KCMF1: variants seen among roughly 807,000 people sequenced by gnomAD.
KCMF1 encodes the protein E3 ubiquitin-protein ligase KCMF1.
Under a neutral mutation model 41.1 loss-of-function variants are expected in KCMF1, and 3 were observed. That is an observed-to-expected ratio of 0.07 (90% CI 0.03 to 0.19). The LOEUF is 0.19. Among genes scored for constraint, KCMF1 ranks in the 10% least tolerant of loss-of-function variants. The pLI is 1.00. For missense variants in KCMF1, 286 were observed against 488.9 expected (o/e 0.58, Z 3.91); for synonymous variants, 142 against 164.5 (o/e 0.86, Z 1.04).
intron 3 of KCMF1, among the ~76,000 whole-genome samples, chr2:85,043,114 G>A (rs1337063192): frequency 2.0e-5 from 3 of 152,210 alleles, no homozygotes; most frequent in African/African-American, 7.2e-5. Flanking sequence ...TCTGTTGAAT[G>A]TTTGCACAGT....
chr2:85,007,101 CAAAAAAA>C (rs764401140), intron 1 of KCMF1, among the ~76,000 whole-genome samples: 15 of 51,904 alleles, frequency 2.9e-4, no homozygotes, highest in Non-Finnish European at 5.3e-4. Flanking sequence ...AACTCAGTCT[CAAAAAAA>C]AAAAAAAAAA....
intron 3 of KCMF1, among the ~76,000 whole-genome samples, chr2:85,037,601 A>T (rs1293971638): frequency 1.3e-5 from 2 of 152,202 alleles, no homozygotes; most frequent in Admixed American, 6.5e-5. Flanking sequence ...GCATTTTTTA[A>T]TTAGGGAATT....
chr2:85,043,864 A>AT (rs1429592860), intron 4 of KCMF1, among the ~76,000 whole-genome samples, 199 bp downstream of exon 4: 10 of 151,906 alleles, frequency 6.6e-5, no homozygotes, highest in Non-Finnish European at 1.3e-4. Context: ...TGTCATTTTG[A>AT]TTTTTTTTAA....
intron 1 of KCMF1, among the ~76,000 whole-genome samples, chr2:85,026,492 A>ATTTTTTTT (rs1553381469): frequency 1.4e-5 from 2 of 143,140 alleles, no homozygotes; most frequent in African/African-American, 5.3e-5. Context: ...TATTATTATT[A>ATTTTTTTT]TTATTTTTAT....
intron 1 of KCMF1, among the ~76,000 whole-genome samples, chr2:84,984,128 C>T (rs1340804333): frequency 4.6e-5 from 7 of 152,152 alleles, no homozygotes; most frequent in Non-Finnish European, 8.8e-5. Context: ...TGCTTGTAAT[C>T]CCAGCACTTT....
chr2:84,997,400 A>G (rs920569668), intron 1 of KCMF1, among the ~76,000 whole-genome samples: 2 of 152,086 alleles, frequency 1.3e-5, no homozygotes, highest in South Asian at 2.1e-4. Context: ...GGATTTCATC[A>G]TATCTAAAAA....
chr2:84,992,862 C>T (rs935964059), intron 1 of KCMF1, among the ~76,000 whole-genome samples: 7 of 152,060 alleles, frequency 4.6e-5, no homozygotes, highest in Non-Finnish European at 7.4e-5. Context: ...CCTTGTGATC[C>T]GCCCGCCTCG....
intron 1 of KCMF1, among the ~76,000 whole-genome samples, chr2:85,012,573 G>GATC (rs1247841507): frequency 6.6e-6 from 1 of 152,096 alleles, no homozygotes; most frequent in Non-Finnish European, 1.5e-5. Context: ...GTCTCCCAAA[G>GATC]ATCAGTTCAT....
chr2:85,035,263 ACC>A, intron 3 of KCMF1, 108 bp downstream of exon 3: 1 of 952,866 alleles, frequency 1.0e-6, no homozygotes. Flanking sequence ...GTGTAATGAT[ACC>A]GTTTGCATAG....
intron 1 of KCMF1, among the ~76,000 whole-genome samples, chr2:84,976,627 T>C (rs1673551577): frequency 6.7e-6 from 1 of 149,184 alleles, no homozygotes; most frequent in Non-Finnish European, 1.5e-5. Flanking sequence ...CCCTATTTCT[T>C]TAAAAAAAAA....
intron 1 of KCMF1, among the ~76,000 whole-genome samples, chr2:84,997,971 C>T (rs1312526618): frequency 6.6e-6 from 1 of 151,336 alleles, no homozygotes; most frequent in Non-Finnish European, 1.5e-5. Flanking sequence ...CAGGGTTTCT[C>T]CATGTTGGCC....
At chr2:84,989,359 G>A (rs1164372966) in intron 1 of KCMF1, among the ~76,000 whole-genome samples, 2 of 152,194 alleles carry the variant, frequency 1.3e-5, no homozygotes, top group African/African-American at 4.8e-5. Context: ...CCAGGCTTGT[G>A]GTGTAGGGGG....
Position 85,055,049 on chromosome 2 carries a change from A to C in KCMF1, c.*1640A>C, listed in dbSNP as rs1470535760. ...CAAATACAATAGCTTTGTTTTCTTT[A>C]GTTCTGTAATGGATAATGTTTAAAG... On this transcript the variant is annotated 3_prime_UTR_variant, in exon 7 of 7. Transcript: ENST00000409785. 1 of 152,204 alleles carries C rather than the reference A, an allele frequency of 6.6e-6. No homozygotes were observed. The highest frequency in any genetic ancestry group is 2.4e-5 in the African/African-American group (1 of 41,460). 9.4% of individuals were successfully genotyped at this position (152,204 alleles called of 1,614,324 possible).
At chr2:84,985,185 G>A (rs1673871221) in intron 1 of KCMF1, among the ~76,000 whole-genome samples, 1 of 152,170 alleles carries the variant, frequency 6.6e-6, no homozygotes, top group Non-Finnish European at 1.5e-5. Flanking sequence ...GATTGGGGTG[G>A]AAAGGGGTAG....
chr2:85,053,103 C>T (rs1287365121), intron 6 of KCMF1, 45 bp from the exon 7 acceptor site: 1 of 1,540,094 alleles, frequency 6.5e-7, no homozygotes, highest in Non-Finnish European at 8.8e-7. Flanking sequence ...TGCCATTGTT[C>T]ATTGACTTTT....
intron 1 of KCMF1, among the ~76,000 whole-genome samples, chr2:85,018,180 G>A (rs750385405): frequency 6.6e-6 from 1 of 151,772 alleles, no homozygotes; most frequent in African/African-American, 2.4e-5. Flanking sequence ...ATATAACACC[G>A]TAACCTTATG....
chr2:85,015,695 A>G (rs1229602037), intron 1 of KCMF1, among the ~76,000 whole-genome samples: 4 of 152,178 alleles, frequency 2.6e-5, no homozygotes, highest in African/African-American at 7.2e-5. Context: ...CCATTTTTCT[A>G]TTCACTTTGT....
chr2:84,974,406 G>C (rs532907571), intron 1 of KCMF1, among the ~76,000 whole-genome samples: 2 of 151,916 alleles, frequency 1.3e-5, no homozygotes, highest in East Asian at 3.9e-4. Context: ...ACAGTCCTGA[G>C]ATGGACACCT....
intron 1 of KCMF1, among the ~76,000 whole-genome samples, chr2:85,021,871 C>T (rs1674952575): frequency 6.6e-6 from 1 of 152,112 alleles, no homozygotes; most frequent in Non-Finnish European, 1.5e-5. Flanking sequence ...GGCTGAAGTA[C>T]AATGGTGCGA....
Sources: gnomAD v4.1 joint callset for allele counts (sites outside exome capture counted in the v4.1 genomes callset) on GRCh38, gnomAD v4.1.1 for gene constraint, MANE v1.5 for transcripts, NCBI Gene and HGNC (gene_info 2026-07-23, HGNC 2026-07-21) for gene names.